The following CEP162 variants were observed in gnomAD, a reference collection of about 807,000 sequenced individuals.
The protein encoded by CEP162 is centrosomal protein 162, also known as centrosomal protein of 162 kDa.
CEP162 carries 141 observed loss-of-function variants against 169.2 expected under a neutral mutation model. The observed-to-expected ratio is 0.83, with a 90% CI of 0.73 to 0.96. The LOEUF is 0.96. Among genes scored for constraint, CEP162 ranks in the 40% least tolerant of loss-of-function variants. The pLI is 0.00. For synonymous variants in CEP162, 540 were observed against 526.4 expected (o/e 1.03, Z -0.35); for missense variants, 1,600 against 1,587.2 (o/e 1.01, Z -0.14).
chr6:84,185,062 C>T, intron 13 of CEP162, 125 bp downstream of exon 13: 1 of 794,376 alleles, frequency 1.3e-6, no homozygotes, highest in Non-Finnish European at 2.0e-6. Flanking sequence ...ACACTGCCAC[C>T]ACCCTGGGTC....
intron 6 of CEP162, among the ~76,000 whole-genome samples, chr6:84,206,300 T>A (rs903283852): frequency 6.7e-6 from 1 of 150,048 alleles, no homozygotes; most frequent in Admixed American, 6.6e-5. Flanking sequence ...GGAGGCATCA[T>A]GCTACCTGAC....
At position 84,149,618 on chromosome 6, in the gene CEP162, C is replaced by T. The variant is rs1279136862; in HGVS notation, c.3715G>A (p.Val1239Ile). Residue 1239 changes from valine (V) to isoleucine (I), a missense_variant, in exon 24 of 27, where the codon GTA becomes ATA. By Grantham distance (29) the Val-to-Ile change is conservative (BLOSUM62 3). Coordinates refer to ENST00000403245, the MANE Select transcript of CEP162 (RefSeq NM_014895.4). ...EIEKLLCQNA[V>I]ENSSSKVAEL... ...GCTACTTTGGAAGAAGAATTTTCTA[C>T]TGCATTTTGGCAAAGGAGTTTCTCT... 1.2e-6 allele frequency: 2 copies of T among 1,605,524 alleles called. No homozygotes were observed. The highest frequency in any genetic ancestry group is 1.7e-6 in the Non-Finnish European group (2 of 1,175,452).
chr6:84,210,438 C>A (rs1177931197), intron 6 of CEP162, among the ~76,000 whole-genome samples: 1 of 152,004 alleles, frequency 6.6e-6, no homozygotes, highest in Non-Finnish European at 1.5e-5. Flanking sequence ...AGACAACTGG[C>A]AGCAAAAAAA....
intron 17 of CEP162, 68 bp downstream of exon 17, chr6:84,171,538 T>G: frequency 1.8e-6 from 1 of 554,010 alleles, no homozygotes; most frequent in Middle Eastern, 4.1e-4. Flanking sequence ...AATGTATTAT[T>G]AACATAATAA....
chr6:84,174,246 GA>G, intron 15 of CEP162, 58 bp from the exon 16 acceptor site: 1 of 1,378,158 alleles, frequency 7.3e-7, no homozygotes, highest in Admixed American at 2.3e-5. Context: ...GGTGAGAAGT[GA>G]GAAAGAATAA....
intron 25 of CEP162, among the ~76,000 whole-genome samples, chr6:84,128,917 C>T (rs1269390296): frequency 1.3e-5 from 2 of 151,872 alleles, no homozygotes; most frequent in South Asian, 2.1e-4. Context: ...GTTCAACTTC[C>T]ACTTATGAGT....
intron 9 of CEP162, among the ~76,000 whole-genome samples, chr6:84,198,982 T>G (rs1445167641): frequency 6.6e-6 from 1 of 152,230 alleles, no homozygotes; most frequent in Non-Finnish European, 1.5e-5. Context: ...TTATAATATT[T>G]TAAATAATTT....
intron 17 of CEP162, among the ~76,000 whole-genome samples, chr6:84,170,451 T>C (rs1374762023): frequency 6.9e-6 from 1 of 144,376 alleles, no homozygotes; most frequent in African/African-American, 2.5e-5. Flanking sequence ...TTATCACACA[T>C]GGCCTGGGGT....
Position 84,181,776 on chromosome 6 carries a change from TGTA to T in CEP162, c.1663+3408_1663+3410del, listed in dbSNP as rs548526463. ...TCCAAAAGCTGAGAGAAATTAAGGT[TGTA>T]GGAGAGAATATATTAAATGTATCTT... On this transcript the variant is annotated intron_variant, in intron 13 of 26. Transcript: ENST00000403245. Among the ~76,000 whole-genome samples, 528 of 152,096 alleles carry T rather than the reference TGTA, an allele frequency of 3.5e-3. 3 individuals are homozygous for T. Among genetic ancestry groups the T allele is most frequent in the African/African-American group, 0.012 (486 of 41,498 alleles).
At chr6:84,157,646 G>C (rs2099523755) in intron 21 of CEP162, among the ~76,000 whole-genome samples, 1 of 152,092 alleles carries the variant, frequency 6.6e-6, no homozygotes, top group African/African-American at 2.4e-5. Flanking sequence ...CAGCCTGAGT[G>C]ACAGGGTGAG....
At chr6:84,176,448 T>A (rs2099532441) in intron 13 of CEP162, among the ~76,000 whole-genome samples, 2 of 152,172 alleles carry the variant, frequency 1.3e-5, no homozygotes. Flanking sequence ...AGAGCAGGCT[T>A]TCAAAACTTC....
At chr6:84,149,473 A>G (rs1311183023) in intron 24 of CEP162, 89 bp downstream of exon 24, 15 of 1,071,272 alleles carry the variant, frequency 1.4e-5, no homozygotes, top group Non-Finnish European at 1.9e-5. Flanking sequence ...AAGTTAAAAC[A>G]TTTCCAAATA....
chr6:84,160,456 G>T (rs1434627153), intron 21 of CEP162, among the ~76,000 whole-genome samples: 2 of 152,028 alleles, frequency 1.3e-5, no homozygotes, highest in Non-Finnish European at 2.9e-5. Flanking sequence ...CCAACTCAGG[G>T]ATCTCCCTCC....
chr6:84,215,881 T>C lies in CEP162; in HGVS notation c.214A>G (p.Thr72Ala), dbSNP rs2099551357. The C allele has an allele frequency of 6.3e-7, 1 of 1,577,552 alleles. No individual in the cohort carries two copies. The highest frequency in any genetic ancestry group is 2.3e-5 in the East Asian group (1 of 43,902). Residue 72 changes from threonine to alanine, a missense_variant, in exon 4 of 27, where the codon ACT becomes GCT. Transcript: ENST00000403245. ...TNVSYLKTKKTSQPVMEIEEE... is the reference protein window; with the variant it reads ...TNVSYLKTKKASQPVMEIEEE... ...TCTATTTCCATAACAGGCTGAGAAG[T>C]CTTCTTTGTTTTCAAATAGCTCACA...
Position 84,160,935 on chromosome 6 carries a change from CAT to C in CEP162, c.2677-21_2677-20del, listed in dbSNP as rs760435309. ...TCTCAATCTGTCAATAAATAAATAA[CAT>C]GTTAAGAAGCATATGTAAACATAAC... On this transcript the variant is annotated intron_variant, in intron 20 of 26. Transcript: ENST00000403245. The C allele has an allele frequency of 1.3e-6, 2 of 1,490,018 alleles. No individual in the cohort carries two copies. The highest frequency in any genetic ancestry group is 2.8e-5 in the African/African-American group (2 of 72,472). 92.3% of individuals were successfully genotyped at this position (1,490,018 alleles called of 1,614,324 possible). A position where few individuals can be genotyped will look rare whatever the true frequency, so the allele number is the denominator to read the frequency against.
At chr6:84,166,912 G>A (rs1425952333) in intron 18 of CEP162, among the ~76,000 whole-genome samples, 3 of 152,098 alleles carry the variant, frequency 2.0e-5, no homozygotes, top group Non-Finnish European at 2.9e-5. Context: ...ATAAAGGTAT[G>A]TTTACATTCT....
At chr6:84,188,600 C>CATGT (rs1276854965) in intron 11 of CEP162, among the ~76,000 whole-genome samples, 1 of 152,146 alleles carries the variant, frequency 6.6e-6, no homozygotes, top group African/African-American at 2.4e-5. Context: ...CCATGGTGTA[C>CATGT]ATGTATCACA....
rs1461774603 is a variant in CEP162 at position 84,174,605 on chromosome 6, T to C, written c.2025+122A>G. ...ACTCTTGGAACCATTCTATATTTTA[T>C]ACAGCAAATACATCAAGTCAAACAT... is the stretch of plus-strand genomic sequence containing the variant. On this transcript the variant is annotated intron_variant, in intron 15 of 26. Transcript: ENST00000403245. The C allele has an allele frequency of 1.0e-5, 6 of 595,416 alleles. No individual in the cohort carries two copies. The Admixed American group carries it at 1.3e-4, about 13-fold the overall frequency. 36.9% of individuals were successfully genotyped at this position (595,416 alleles called of 1,614,324 possible).
chr6:84,167,672 T>C (rs1234614718), intron 18 of CEP162, among the ~76,000 whole-genome samples: 1 of 152,216 alleles, frequency 6.6e-6, no homozygotes, highest in Admixed American at 6.5e-5. Flanking sequence ...AGAACTAATG[T>C]TATTTTTTTA....
Sources: allele counts gnomAD v4.1 joint callset (sites outside exome capture counted in the v4.1 genomes callset), GRCh38; gene constraint gnomAD v4.1.1; transcripts MANE v1.5; gene names NCBI Gene and HGNC (gene_info 2026-07-23, HGNC 2026-07-21).